The following PLEKHB1 variants were observed in gnomAD, a reference collection of about 807,000 sequenced individuals.
PLEKHB1 encodes the protein pleckstrin homology domain-containing family B member 1.
A neutral mutation model predicts 36.2 loss-of-function variants in PLEKHB1; 29 were observed. The ratio of observed to expected loss-of-function variants is 0.80; its 90% CI spans 0.60 to 1.09. The LOEUF is 1.09. Ranked by LOEUF, PLEKHB1 falls within the 50% of genes least tolerant of loss-of-function variation. The pLI is 0.00. For synonymous variants in PLEKHB1, 138 were observed against 140.0 expected, an observed-to-expected ratio of 0.99 and a Z score of 0.10; for missense variants, 330 against 348.2, an observed-to-expected ratio of 0.95 and a Z score of 0.42.
Position 73,651,878 on chromosome 11 carries a change from A to G in PLEKHB1, c.338A>G (p.Lys113Arg), listed in dbSNP as rs1316264590. The stretch of plus-strand genomic sequence containing the variant: ...CGCCTGCACCTCTGTGCGGAGACCA[A>G]GGATGATGCCCTGTGAGTCACTCCC... ...GGRLHLCAET[K>R]DDALAWKTAL... Residue 113 changes from lysine to arginine, a missense_variant, in exon 4 of 8, where the codon AAG (lysine) becomes AGG (arginine). Coordinates refer to ENST00000354190, the MANE Select transcript of PLEKHB1 (RefSeq NM_021200.3). 6.2e-7 allele frequency: 1 copy of G among 1,613,392 alleles called. No homozygotes were observed. Among genetic ancestry groups the G allele is most frequent in the South Asian group, 1.1e-5 (1 of 91,074 alleles).
At chr11:73,657,250 T>C (rs1246949685) in intron 6 of PLEKHB1, among the ~76,000 whole-genome samples, 1 of 152,176 alleles carries the variant, frequency 6.6e-6, no homozygotes, top group East Asian at 1.9e-4. Flanking sequence ...CCTCAGTGGC[T>C]TGGAGAGGTT....
chr11:73,649,245 C>T (rs639139), intron 2 of PLEKHB1, among the ~76,000 whole-genome samples, 158 bp downstream of exon 2: 16,922 of 152,130 alleles, frequency 0.11, 3,080 homozygotes, highest in African/African-American at 0.38. Flanking sequence ...CCATTCCCGA[C>T]TACATGGTTT....
chr11:73,646,692 G>T, intron 1 of PLEKHB1, 66 bp downstream of exon 1: 1 of 1,519,160 alleles, frequency 6.6e-7, no homozygotes, highest in Non-Finnish European at 8.9e-7. Flanking sequence ...TGCCACATAG[G>T]GGACGGGACA....
At chr11:73,655,636 T>TC (rs374151927) in intron 5 of PLEKHB1, among the ~76,000 whole-genome samples, 167 bp from the exon 6 acceptor site, 108 of 152,154 alleles carry the variant, frequency 7.1e-4, no homozygotes, top group African/African-American at 2.3e-3. Flanking sequence ...TCTCTGAGCC[T>TC]CCCCCGTTAC....
chr11:73,656,453 C>A (rs956484621), intron 6 of PLEKHB1, among the ~76,000 whole-genome samples: 3 of 152,200 alleles, frequency 2.0e-5, no homozygotes, highest in African/African-American at 4.8e-5. Context: ...TCTATGCTGA[C>A]CTTTCTTACA....
rs1944869543 is a variant in PLEKHB1, at chr11:73,650,608, C to T, written c.150C>T (p.Thr50=). 1 of 1,613,252 alleles carries T rather than the reference C, an allele frequency of 6.2e-7. No homozygotes were observed. Among genetic ancestry groups the T allele is most frequent in the Non-Finnish European group, 8.5e-7 (1 of 1,179,632 alleles). Residue 50 remains threonine (T), a synonymous_variant, in exon 3 of 8, where the codon ACC becomes ACT. Transcript: ENST00000354190. ...GGTTTGCCCTGTGGCTGGACGGGAC[C>T]CTGGGATACTACCACGATGAGACAG... ...RNWFALWLDG[T]LGYYHDETAQ...
chr11:73,652,793 C>T (rs757527684), intron 4 of PLEKHB1, 182 bp from the exon 5 acceptor site: 5 of 550,592 alleles, frequency 9.1e-6, no homozygotes, highest in Admixed American at 3.1e-5. Context: ...ACTTAGTGCT[C>T]CATCCATGTG....
chr11:73,653,513 G>A (rs899957404), intron 5 of PLEKHB1: 11 of 452,812 alleles, frequency 2.4e-5, no homozygotes, highest in African/African-American at 2.2e-4. Context: ...CTAATGAGAA[G>A]CCAGACATGG....
chr11:73,657,270 G>C (rs1023169343), intron 6 of PLEKHB1, among the ~76,000 whole-genome samples: 1 of 152,192 alleles, frequency 6.6e-6, no homozygotes, highest in Non-Finnish European at 1.5e-5. Context: ...TACCTAACTT[G>C]ATCAGGGTCA....
In PLEKHB1 at chr11:73,661,513, G is replaced by A. The variant is rs754936001; in HGVS notation, c.643G>A (p.Ala215Thr). ...AGTGCGGGAGGATCCCTGCTACAGCGCCGGCGCCCCTCTGGCCATGGGCAT... is the reference window on the plus strand; with the variant it reads ...AGTGCGGGAGGATCCCTGCTACAGCACCGGCGCCCCTCTGGCCATGGGCAT... ...VIVREDPCYSAGAPLAMGMLA... is the reference protein window; with the variant it reads ...VIVREDPCYSTGAPLAMGMLA... The change falls in exon 8 of 8, where the codon GCC (alanine) becomes ACC (threonine). Residue 215 changes from alanine (A) to threonine (T), a missense_variant. By Grantham distance (58) the Ala-to-Thr change is moderately conservative. Coordinates refer to ENST00000354190, the MANE Select transcript of PLEKHB1 (RefSeq NM_021200.3). The surrounding 1 kb of genome is among the most constrained non-coding windows in gnomAD (Gnocchi z 4.6). 7 of 1,613,542 alleles carry A rather than the reference G, an allele frequency of 4.3e-6. 1 individual carries two copies. The South Asian group carries it at 7.7e-5, about 18-fold the overall frequency.
In PLEKHB1 at chr11:73,650,542, A is replaced by G; in HGVS notation, c.95-11A>G. 1.9e-6 allele frequency: 3 copies of G among 1,601,130 alleles called. No individual in the cohort carries two copies. The highest frequency in any genetic ancestry group is 2.6e-6 in the Non-Finnish European group (3 of 1,174,078). Reference sequence around the variant, plus strand: ...GATCAGCCTGCCTAGTGCATCTGGAATATCGTACAGGCTCCATCCTCCGCC... The same window carrying G: ...GATCAGCCTGCCTAGTGCATCTGGAGTATCGTACAGGCTCCATCCTCCGCC... On this transcript the variant is annotated splice_polypyrimidine_tract_variant and intron_variant, in intron 2 of 7. Transcript: ENST00000354190.
intron 5 of PLEKHB1, among the ~76,000 whole-genome samples, chr11:73,653,965 C>T (rs1239034015): frequency 6.7e-6 from 1 of 149,936 alleles, no homozygotes; most frequent in Admixed American, 6.7e-5. Flanking sequence ...ATTGTTGTAA[C>T]GTTGGGGCAT....
At chr11:73,648,251 T>G in intron 1 of PLEKHB1, 1 of 153,936 alleles carries the variant, frequency 6.5e-6, no homozygotes, top group Non-Finnish European at 1.4e-5. Flanking sequence ...CCTGCCGGCA[T>G]AACGGTTTGA....
In PLEKHB1 at chr11:73,661,415, A is replaced by T; in HGVS notation, c.596-51A>T. 6.2e-7 allele frequency: 1 copy of T among 1,600,608 alleles called. No individual in the cohort carries two copies. The highest frequency in any genetic ancestry group is 1.1e-5 in the South Asian group (1 of 90,584). Reference sequence around the variant, plus strand: ...GTGATGCAGGAAGGGTACGAAGATCACTCTACTCCCTCCTAAGTCGCTGAT... The same window carrying T: ...GTGATGCAGGAAGGGTACGAAGATCTCTCTACTCCCTCCTAAGTCGCTGAT... On this transcript the variant is annotated intron_variant, in intron 7 of 7. Transcript: ENST00000354190. This position sits in a 1 kb window ranked among gnomAD's most constrained non-coding sequence, Gnocchi z 4.6.
At chr11:73,654,872 T>A (rs994358194) in intron 5 of PLEKHB1, among the ~76,000 whole-genome samples, 2 of 152,246 alleles carry the variant, frequency 1.3e-5, no homozygotes, top group Middle Eastern at 6.8e-3. Context: ...CCCTGAGGCC[T>A]GTAGGGAGCA....
At chr11:73,649,780 C>G (rs1174453322) in intron 2 of PLEKHB1, among the ~76,000 whole-genome samples, 1 of 152,204 alleles carries the variant, frequency 6.6e-6, no homozygotes, top group Non-Finnish European at 1.5e-5. Context: ...TGCCCATTCT[C>G]AGTTCATTTA....
chr11:73,647,737 A>G, intron 1 of PLEKHB1: 2 of 976,880 alleles, frequency 2.0e-6, no homozygotes, highest in Non-Finnish European at 2.4e-6. Context: ...AGTGTAGACA[A>G]GGTGGGTGCA....
rs186600947 is a variant in PLEKHB1, at chr11:73,654,475, A to G, written c.391-1328A>G. Among the ~76,000 whole-genome samples, 3 of 152,286 alleles carry G rather than the reference A, an allele frequency of 2.0e-5. No individual in the cohort carries two copies. The East Asian group carries it at 5.8e-4, about 29-fold the overall frequency. On this transcript the variant is annotated intron_variant, in intron 5 of 7. Transcript: ENST00000354190. ...AGCAGTGACATCATTTCATCTTCCA[A>G]CAACCCTGGCAGGGCAGCTGGGTGG...
rs1353725912 is a variant in PLEKHB1 at position 73,661,587 on chromosome 11, G to A, written c.717G>A (p.Ser239=). ...TGAALGSLMW[S]PCWF Reference sequence around the variant, plus strand: ...CGGCGCTGGGCTCGCTCATGTGGTCGCCCTGCTGGTTCTGAGCCCTGGGAC... The same window carrying A: ...CGGCGCTGGGCTCGCTCATGTGGTCACCCTGCTGGTTCTGAGCCCTGGGAC... Residue 239 remains serine, a synonymous_variant, in exon 8 of 8, where the codon TCG becomes TCA. Coordinates refer to ENST00000354190, the MANE Select transcript of PLEKHB1 (RefSeq NM_021200.3). This position sits in a 1 kb window ranked among gnomAD's most constrained non-coding sequence, Gnocchi z 4.6. 4.4e-6 allele frequency: 7 copies of A among 1,594,184 alleles called. No homozygotes were observed. Among genetic ancestry groups the A allele is most frequent in the Non-Finnish European group, 6.0e-6 (7 of 1,170,874 alleles).
Sources: gnomAD v4.1 joint callset for allele counts (sites outside exome capture counted in the v4.1 genomes callset) on GRCh38, gnomAD v4.1.1 for gene constraint, Gnocchi (gnomAD v3.1) non-coding constraint, MANE v1.5 for transcripts, NCBI Gene and HGNC (gene_info 2026-07-23, HGNC 2026-07-21) for gene names.